XRRA1: variants seen among roughly 807,000 people sequenced by gnomAD.
XRRA1 encodes X-ray radiation resistance associated 1, also known as X-ray radiation resistance-associated protein 1.
A neutral mutation model predicts 80.2 loss-of-function variants in XRRA1; 69 were observed. That is an observed-to-expected ratio of 0.86 (90% CI 0.71 to 1.05). The LOEUF (loss-of-function observed/expected upper bound fraction) is 1.05, where lower values mean the gene tolerates loss of function less well. Ranked by LOEUF, XRRA1 falls within the 50% of genes least tolerant of loss-of-function variation. The pLI is 0.00. For missense variants in XRRA1, 967 were observed against 976.4 expected, an observed-to-expected ratio of 0.99 and a Z score of 0.13; for synonymous variants, 348 against 389.9, an observed-to-expected ratio of 0.89 and a Z score of 1.27.
intron 17 of XRRA1, 44 bp downstream of exon 17, chr11:74,844,124 G>A (rs547501739): frequency 2.4e-5 from 37 of 1,562,722 alleles, no homozygotes; most frequent in East Asian, 1.3e-4. Context: ...AATTGTGGGC[G>A]GTACTCAGGG....
At position 74,921,346 on chromosome 11, in the gene XRRA1, A is replaced by G. The variant is rs1230640727; in HGVS notation, c.524T>C (p.Phe175Ser). Reference sequence around the variant, plus strand: ...CAGGCTGTTGAAGGAAAGGTCCAAGAACTGCCATGCAAAGATGAAAGATGG... The same window carrying G: ...CAGGCTGTTGAAGGAAAGGTCCAAGGACTGCCATGCAAAGATGAAAGATGG... ...VKYGDFKLLE[F>S]LDLSFNSLTV... The change falls in exon 8 of 19, where the codon TTC (phenylalanine) becomes TCC (serine). Residue 175 changes from phenylalanine to serine, a missense_variant and splice_region_variant. Phe to Ser is a radical substitution (Grantham distance 155, BLOSUM62 -2). Transcript: ENST00000684022. The G allele has an allele frequency of 1.9e-6, 3 of 1,613,940 alleles. No individual in the cohort carries two copies. Among genetic ancestry groups the G allele is most frequent in the Non-Finnish European group, 2.5e-6 (3 of 1,179,842 alleles).
chr11:74,848,610 C>T (rs2038943252), intron 14 of XRRA1, 148 bp from the exon 15 acceptor site: 3 of 689,874 alleles, frequency 4.3e-6, no homozygotes, highest in East Asian at 2.7e-5. Flanking sequence ...ACTTGTTGGG[C>T]ATCTATGATG....
intron 10 of XRRA1, among the ~76,000 whole-genome samples, chr11:74,897,142 A>C (rs2052513430): frequency 6.6e-6 from 1 of 152,188 alleles, no homozygotes; most frequent in South Asian, 2.1e-4. Flanking sequence ...GAAGGAATTC[A>C]GAATTCTATC....
intron 10 of XRRA1, among the ~76,000 whole-genome samples, chr11:74,898,020 TA>T (rs1274895169): frequency 6.6e-6 from 1 of 152,206 alleles, no homozygotes; most frequent in Admixed American, 6.5e-5. Flanking sequence ...GTAGAAAGGC[TA>T]AATGATGAAC....
chr11:74,912,616 A>G (rs1404867892), intron 8 of XRRA1, among the ~76,000 whole-genome samples: 2 of 152,212 alleles, frequency 1.3e-5, no homozygotes, highest in African/African-American at 4.8e-5. Context: ...AATAATTTCA[A>G]TTTTTATAAT....
chr11:74,881,662 G>C (rs1276047458), intron 10 of XRRA1, among the ~76,000 whole-genome samples: 1 of 152,024 alleles, frequency 6.6e-6, no homozygotes, highest in Non-Finnish European at 1.5e-5. Context: ...AGGCCTGGTG[G>C]TGACAAAAAT....
At chr11:74,947,184 A>T (rs751419555) in intron 1 of XRRA1, among the ~76,000 whole-genome samples, 1 of 152,234 alleles carries the variant, frequency 6.6e-6, no homozygotes, top group Non-Finnish European at 1.5e-5. Context: ...AGAAGCAAGT[A>T]TCAGAAATAG....
intron 7 of XRRA1, among the ~76,000 whole-genome samples, chr11:74,926,157 TGA>T (rs1194792333): frequency 6.6e-6 from 1 of 152,232 alleles, no homozygotes; most frequent in Non-Finnish European, 1.5e-5. Flanking sequence ...ATCTTCAATA[TGA>T]CTTGAGACCA....
chr11:74,889,043 A>G (rs554194740), intron 10 of XRRA1, among the ~76,000 whole-genome samples: 6 of 152,336 alleles, frequency 3.9e-5, no homozygotes, highest in Non-Finnish European at 8.8e-5. Context: ...AAATTCAGGA[A>G]ATACACAGAA....
chr11:74,937,446 T>C (rs770244367), intron 3 of XRRA1, among the ~76,000 whole-genome samples: 1 of 152,186 alleles, frequency 6.6e-6, no homozygotes, highest in Non-Finnish European at 1.5e-5. Context: ...CTGATCCCTC[T>C]TTCTCATGCA....
chr11:74,927,342 C>T (rs1357656866), intron 7 of XRRA1, 49 bp downstream of exon 7: 1 of 1,010,922 alleles, frequency 9.9e-7, no homozygotes, highest in Non-Finnish European at 1.5e-6. Flanking sequence ...ATGCTCATTC[C>T]TTACAGGGGA....
At chr11:74,871,144 G>A (rs1371372919) in intron 10 of XRRA1, among the ~76,000 whole-genome samples, 1 of 152,240 alleles carries the variant, frequency 6.6e-6, no homozygotes, top group Non-Finnish European at 1.5e-5. Flanking sequence ...AAGTTAGGAA[G>A]TCAAAGGGAA....
At chr11:74,881,409 CTT>C (rs1394660564) in intron 10 of XRRA1, among the ~76,000 whole-genome samples, 3 of 150,798 alleles carry the variant, frequency 2.0e-5, no homozygotes, top group African/African-American at 4.9e-5. Flanking sequence ...GGTCTTGACT[CTT>C]TATCCAATTT....
intron 8 of XRRA1, chr11:74,910,124 G>C (rs1489838729): frequency 6.6e-6 from 1 of 152,210 alleles, no homozygotes; most frequent in Non-Finnish European, 1.5e-5. Flanking sequence ...ATGAAACTTA[G>C]CAAGTACTTA....
chr11:74,842,361 C>CT lies in XRRA1; in HGVS notation c.*838dup, dbSNP rs2135212311. ...GCATTCTTCAATGTATGTTTGCCTG[C>CT]TTGAAGCAAGGCCCAAGTTGAGAAT... On this transcript the variant is annotated 3_prime_UTR_variant, in exon 19 of 19. Transcript: ENST00000684022. The CT allele has an allele frequency of 6.6e-6, 1 of 152,334 alleles. No homozygotes were observed. Among genetic ancestry groups the CT allele is most frequent in the African/African-American group, 2.4e-5 (1 of 41,574 alleles). 9.4% of individuals were successfully genotyped at this position (152,334 alleles called of 1,614,324 possible). A position where few individuals can be genotyped will look rare whatever the true frequency, so the allele number is the denominator to read the frequency against.
chr11:74,874,233 CAAAAAAAAAAAAAAA>C (rs367875228), intron 10 of XRRA1, among the ~76,000 whole-genome samples: 54 of 48,314 alleles, frequency 1.1e-3, no homozygotes, highest in African/African-American at 3.6e-3. Flanking sequence ...GACTCCGTCT[CAAAAAAAAAAAAAAA>C]AAAAAAAAAA....
At chr11:74,880,407 A>G (rs556914941) in intron 10 of XRRA1, among the ~76,000 whole-genome samples, 24 of 151,656 alleles carry the variant, frequency 1.6e-4, no homozygotes, top group African/African-American at 5.1e-4. Flanking sequence ...CCTTTCAAAA[A>G]ACCAGCTCCT....
At chr11:74,852,422 T>C (rs2040100970) in intron 12 of XRRA1, among the ~76,000 whole-genome samples, 1 of 152,218 alleles carries the variant, frequency 6.6e-6, no homozygotes, top group African/African-American at 2.4e-5. Context: ...AACACATTTT[T>C]CGTACGAACA....
chr11:74,928,816 AATGACT>A (rs1942859460), intron 6 of XRRA1, among the ~76,000 whole-genome samples: 1 of 152,176 alleles, frequency 6.6e-6, no homozygotes, highest in South Asian at 2.1e-4. Flanking sequence ...GATTAAAGGC[AATGACT>A]ACTTTAAATT....
Sources: allele counts gnomAD v4.1 joint callset (sites outside exome capture counted in the v4.1 genomes callset), GRCh38; gene constraint gnomAD v4.1.1; transcripts MANE v1.5; gene names NCBI Gene and HGNC (gene_info 2026-07-23, HGNC 2026-07-21).